Variants in PPP1R9A observed in about 807,000 individuals in gnomAD.
The protein encoded by PPP1R9A is protein phosphatase 1 regulatory subunit 9A.
PPP1R9A carries 59 observed loss-of-function variants against 141.9 expected under a neutral mutation model. The observed-to-expected ratio is 0.42, with a 90% CI of 0.34 to 0.52. The LOEUF (loss-of-function observed/expected upper bound fraction) is 0.52. Among genes scored for constraint, PPP1R9A ranks in the 20% least tolerant of loss-of-function variants. The pLI is 0.10. For missense variants in PPP1R9A, 1,444 were observed against 1,611.9 expected (o/e 0.90, Z 1.78); for synonymous variants, 500 against 569.7 (o/e 0.88, Z 1.74).
chr7:95,244,819 C>T (rs980237617), intron 8 of PPP1R9A, among the ~76,000 whole-genome samples: 2 of 152,122 alleles, frequency 1.3e-5, no homozygotes, highest in African/African-American at 4.8e-5. Context: ...TTATTGAGGA[C>T]ATACTATATG....
intron 2 of PPP1R9A, among the ~76,000 whole-genome samples, chr7:95,102,376 A>T (rs1818903560): frequency 6.6e-6 from 1 of 152,178 alleles, no homozygotes; most frequent in Admixed American, 6.5e-5. Context: ...TGAATAGTTG[A>T]AGACTTGTCA....
intron 8 of PPP1R9A, among the ~76,000 whole-genome samples, chr7:95,229,584 C>A (rs1795626704): frequency 6.6e-6 from 1 of 152,052 alleles, no homozygotes; most frequent in Non-Finnish European, 1.5e-5. Flanking sequence ...CTGGGAACCA[C>A]AACCTCCTCC....
intron 2 of PPP1R9A, among the ~76,000 whole-genome samples, chr7:94,948,400 A>G (rs536405404): frequency 3.3e-5 from 5 of 152,030 alleles, no homozygotes; most frequent in African/African-American, 1.2e-4. Flanking sequence ...CCATTCCCCC[A>G]TCACTCCCAT....
intron 2 of PPP1R9A, among the ~76,000 whole-genome samples, chr7:95,109,560 G>A (rs1467055663): frequency 6.6e-6 from 1 of 152,168 alleles, no homozygotes; most frequent in Non-Finnish European, 1.5e-5. Context: ...AGAATATTAG[G>A]CCAGGCATAG....
At chr7:95,077,974 CTG>C (rs1491232596) in intron 2 of PPP1R9A, among the ~76,000 whole-genome samples, 14 of 106,960 alleles carry the variant, frequency 1.3e-4, no homozygotes, top group Admixed American at 2.8e-4. Context: ...ATCTTCTACT[CTG>C]TTTTTTTTTT....
At chr7:95,143,480 AC>A (rs1420450738) in intron 4 of PPP1R9A, among the ~76,000 whole-genome samples, 1 of 152,004 alleles carries the variant, frequency 6.6e-6, no homozygotes, top group Non-Finnish European at 1.5e-5. Context: ...TTAAACACGT[AC>A]CCCCAGGTAA....
At chr7:95,147,039 A>G (rs1827755732) in intron 4 of PPP1R9A, among the ~76,000 whole-genome samples, 1 of 152,206 alleles carries the variant, frequency 6.6e-6, no homozygotes, top group African/African-American at 2.4e-5. Context: ...GAAGAAAGTC[A>G]ATGGTAGCTT....
intron 2 of PPP1R9A, among the ~76,000 whole-genome samples, chr7:95,088,380 C>T (rs571640939): frequency 6.6e-4 from 100 of 151,560 alleles, no homozygotes; most frequent in South Asian, 2.7e-3. Context: ...TTTTAAAGGA[C>T]CATGGTGTTC....
At chr7:95,042,546 T>C (rs1809406103) in intron 2 of PPP1R9A, among the ~76,000 whole-genome samples, 1 of 152,166 alleles carries the variant, frequency 6.6e-6, no homozygotes, top group South Asian at 2.1e-4. Context: ...CCTTGAAAAA[T>C]AAACCATACA....
intron 8 of PPP1R9A, among the ~76,000 whole-genome samples, chr7:95,230,384 G>C (rs1268977763): frequency 6.6e-6 from 1 of 152,130 alleles, no homozygotes; most frequent in Non-Finnish European, 1.5e-5. Context: ...ACCAGAGGAA[G>C]GTGAAGTCCA....
chr7:95,000,636 G>A (rs1275674780), intron 2 of PPP1R9A, among the ~76,000 whole-genome samples: 1 of 151,892 alleles, frequency 6.6e-6, no homozygotes, highest in Admixed American at 6.6e-5. Flanking sequence ...TAAAAGATAG[G>A]GCATTTAGGA....
chr7:95,125,413 A>G (rs1484932431), intron 4 of PPP1R9A, among the ~76,000 whole-genome samples: 1 of 152,122 alleles, frequency 6.6e-6, no homozygotes, highest in East Asian at 1.9e-4. Context: ...CTGTTTCTAA[A>G]TTTTTAGTAA....
intron 2 of PPP1R9A, among the ~76,000 whole-genome samples, chr7:94,961,954 G>A (rs972403517): frequency 2.6e-5 from 4 of 151,898 alleles, no homozygotes; most frequent in Admixed American, 6.6e-5. Context: ...AGTATTCTAT[G>A]AGAAATGTAT....
intron 12 of PPP1R9A, among the ~76,000 whole-genome samples, chr7:95,262,044 A>T (rs1323517614): frequency 6.6e-6 from 1 of 152,188 alleles, no homozygotes; most frequent in African/African-American, 2.4e-5. Context: ...ATTGTATCAC[A>T]ATATGTAATG....
chr7:95,028,446 C>T (rs1196803703), intron 2 of PPP1R9A, among the ~76,000 whole-genome samples: 1 of 152,110 alleles, frequency 6.6e-6, no homozygotes, highest in Non-Finnish European at 1.5e-5. Flanking sequence ...CTCAAATGCT[C>T]TGCTGAAGGG....
At chr7:95,275,228 C>A (rs539165760) in intron 16 of PPP1R9A, among the ~76,000 whole-genome samples, 31 of 151,850 alleles carry the variant, frequency 2.0e-4, no homozygotes, top group Admixed American at 1.2e-3. Context: ...GCCAACATGG[C>A]GAAACCCCGT....
chr7:95,207,180 C>T (rs943763468), intron 7 of PPP1R9A, among the ~76,000 whole-genome samples: 1 of 150,024 alleles, frequency 6.7e-6, no homozygotes, highest in African/African-American at 2.5e-5. Flanking sequence ...AAATAAAGCA[C>T]CATGAGTAAA....
chr7:95,274,551 T>C (rs558959731), intron 16 of PPP1R9A, among the ~76,000 whole-genome samples: 1 of 152,322 alleles, frequency 6.6e-6, no homozygotes, highest in East Asian at 1.9e-4. Context: ...GATAATCATT[T>C]TGCATTTAAG....
At chr7:95,059,455 A>G (rs986433211) in intron 2 of PPP1R9A, among the ~76,000 whole-genome samples, 1 of 152,198 alleles carries the variant, frequency 6.6e-6, no homozygotes, top group African/African-American at 2.4e-5. Flanking sequence ...ATACAAGAGA[A>G]TAACCAAGTA....
Sources: gnomAD v4.1 joint callset for allele counts (sites outside exome capture counted in the v4.1 genomes callset) on GRCh38, gnomAD v4.1.1 for gene constraint, MANE v1.5 for transcripts, NCBI Gene and HGNC (gene_info 2026-07-23, HGNC 2026-07-21) for gene names.